Variants in PYHIN1 observed in about 807,000 individuals in gnomAD.
PYHIN1 encodes the protein pyrin and HIN domain family member 1, also known as pyrin and HIN domain-containing protein 1.
In PYHIN1, 32 loss-of-function variants were observed where a neutral mutation model predicts 43.7. That is an observed-to-expected ratio of 0.73 (90% CI 0.55 to 0.98). The LOEUF is 0.98. Ranked by LOEUF, PYHIN1 falls within the 50% of genes least tolerant of loss-of-function variation. The pLI is 0.00. For missense variants in PYHIN1, 588 were observed against 589.5 expected (o/e 1.00, Z 0.03); for synonymous variants, 205 against 203.1 (o/e 1.01, Z -0.08).
At chr1:158,961,677 G>A (rs982145087) in intron 7 of PYHIN1, among the ~76,000 whole-genome samples, 1 of 152,136 alleles carries the variant, frequency 6.6e-6, no homozygotes, top group African/African-American at 2.4e-5. Context: ...TTCTGCCACG[G>A]ACCTTTGCCA....
intron 7 of PYHIN1, among the ~76,000 whole-genome samples, chr1:158,951,970 T>C (rs1355894624): frequency 6.6e-6 from 1 of 152,206 alleles, no homozygotes; most frequent in African/African-American, 2.4e-5. Context: ...CATAGAATTA[T>C]AATCTGGGAT....
intron 7 of PYHIN1, 120 bp from the exon 8 acceptor site, chr1:158,973,527 A>ACACT (rs1651060712): frequency 1.1e-6 from 1 of 952,058 alleles, no homozygotes; most frequent in Non-Finnish European, 1.6e-6. Context: ...ACACACACAC[A>ACACT]CACACACACA....
Position 158,933,284 on chromosome 1 carries a change from A to G in PYHIN1, c.-21+1508A>G, listed in dbSNP as rs1416095580. Among the ~76,000 whole-genome samples the G allele has an allele frequency of 1.4e-4, 21 of 151,360 alleles. No individual in the cohort carries two copies. The highest frequency in any genetic ancestry group is 1.3e-3 in the Admixed American group (20 of 15,160). On this transcript the variant is annotated intron_variant, in intron 1 of 8. Transcript: ENST00000368140. The surrounding 1 kb of genome is among the most constrained non-coding windows in gnomAD (Gnocchi z 6.3). ...TACATATGTGTGTATATGAAGATAAATATATTATATAACATTATATTATCA... is the reference window on the plus strand; with the variant it reads ...TACATATGTGTGTATATGAAGATAAGTATATTATATAACATTATATTATCA...
At chr1:158,959,129 G>A (rs6688754) in intron 7 of PYHIN1, among the ~76,000 whole-genome samples, 14 of 151,522 alleles carry the variant, frequency 9.2e-5, no homozygotes, top group East Asian at 3.9e-4. Context: ...CCTTTGCAGC[G>A]TTCCTCACAC....
intron 7 of PYHIN1, among the ~76,000 whole-genome samples, chr1:158,971,537 GGATAAACA>G (rs1244846500): frequency 1.3e-5 from 2 of 151,846 alleles, no homozygotes; most frequent in African/African-American, 4.8e-5. Context: ...GCAAATCACT[GGATAAACA>G]GAATCCTGAC....
intron 8 of PYHIN1, among the ~76,000 whole-genome samples, chr1:158,974,464 T>C (rs1465283448): frequency 6.6e-6 from 1 of 152,080 alleles, no homozygotes; most frequent in Non-Finnish European, 1.5e-5. Flanking sequence ...AACTAATGAA[T>C]TTATATCTAA....
At chr1:158,932,456 G>A (rs1420454942) in intron 1 of PYHIN1, among the ~76,000 whole-genome samples, 1 of 152,092 alleles carries the variant, frequency 6.6e-6, no homozygotes, top group Non-Finnish European at 1.5e-5. Context: ...AACCTAAAAT[G>A]AAAGTAGAAG....
At chr1:158,937,326 G>A (rs1014207693) in intron 2 of PYHIN1, 151 bp downstream of exon 2, 1 of 798,498 alleles carries the variant, frequency 1.3e-6, no homozygotes, top group African/African-American at 1.7e-5. Flanking sequence ...ATGCCAACAA[G>A]TTGACAACTT....
chr1:158,943,230 C>T (rs1167840637), intron 5 of PYHIN1, among the ~76,000 whole-genome samples: 2 of 152,270 alleles, frequency 1.3e-5, no homozygotes, highest in Admixed American at 6.5e-5. Context: ...CTTAGAAATA[C>T]ACATCCAGAA....
intron 1 of PYHIN1, among the ~76,000 whole-genome samples, chr1:158,935,892 G>A (rs756507189): frequency 6.6e-6 from 1 of 152,082 alleles, no homozygotes; most frequent in Non-Finnish European, 1.5e-5. Context: ...ACAATTGCTT[G>A]TTCACAGACC....
At chr1:158,955,622 T>A (rs1482283015) in intron 7 of PYHIN1, among the ~76,000 whole-genome samples, 2 of 132,584 alleles carry the variant, frequency 1.5e-5, no homozygotes, top group Non-Finnish European at 3.2e-5. Flanking sequence ...GGGAAATTTA[T>A]AGCACTAAAT....
At chr1:158,950,139 C>T (rs1462245607) in intron 7 of PYHIN1, among the ~76,000 whole-genome samples, 5 of 151,924 alleles carry the variant, frequency 3.3e-5, no homozygotes, top group East Asian at 1.9e-4. Context: ...AGTGACAGGG[C>T]GAAAGAGAGG....
At chr1:158,969,468 C>A (rs1429344386) in intron 7 of PYHIN1, among the ~76,000 whole-genome samples, 1 of 151,986 alleles carries the variant, frequency 6.6e-6, no homozygotes, top group African/African-American at 2.4e-5. Context: ...ATCACTAATA[C>A]ATGTGTACCA....
chr1:158,952,929 T>C (rs1394360364), intron 7 of PYHIN1, among the ~76,000 whole-genome samples: 7 of 152,154 alleles, frequency 4.6e-5, no homozygotes, highest in Admixed American at 3.9e-4. Context: ...GGGTGAGGCA[T>C]TGCCTCACTT....
intron 4 of PYHIN1, chr1:158,939,620 C>A: frequency 3.4e-6 from 4 of 1,178,124 alleles, no homozygotes; most frequent in Non-Finnish European, 4.9e-6. Context: ...TTTTCACACA[C>A]CATATTTCTT....
the PYHIN1 span, among the ~76,000 whole-genome samples, chr1:158,989,930 G>T: frequency 0.041 from 6,257 of 151,850 alleles, 353 homozygotes; most frequent in East Asian, 0.26. Flanking sequence ...CATAAAACTT[G>T]TATTTGTTTT....
intron 7 of PYHIN1, among the ~76,000 whole-genome samples, chr1:158,957,051 T>C (rs1369653602): frequency 1.4e-5 from 2 of 147,934 alleles, no homozygotes; most frequent in African/African-American, 2.5e-5. Context: ...TTACAAGGGA[T>C]GTGAAGGACC....
At position 158,936,990 on chromosome 1, in the gene PYHIN1, C is replaced by T. The variant is rs764748779; in HGVS notation, c.80C>T (p.Ser27Phe). 1.9e-6 allele frequency: 3 copies of T among 1,613,248 alleles called. No individual in the cohort carries two copies. The highest frequency in any genetic ancestry group is 2.5e-6 in the Non-Finnish European group (3 of 1,179,340). The change falls in exon 2 of 9, where the codon TCC becomes TTC. Residue 27 changes from serine to phenylalanine, a missense_variant. Coordinates refer to ENST00000368140, the MANE Select transcript of PYHIN1 (RefSeq NM_152501.5). ...GATTATCATTTTAGAATTGTTAAGT[C>T]CTTACTGAGTAACGATTTAAAACTT... ...INDYHFRIVK[S>F]LLSNDLKLNP...
chr1:158,954,820 A>T (rs922335870), intron 7 of PYHIN1, among the ~76,000 whole-genome samples: 4 of 151,370 alleles, frequency 2.6e-5, no homozygotes, highest in Admixed American at 1.3e-4. Context: ...TTGGATAAAG[A>T]GTCAAGACCC....
Sources: gnomAD v4.1 joint callset for allele counts (sites outside exome capture counted in the v4.1 genomes callset) on GRCh38, gnomAD v4.1.1 for gene constraint, Gnocchi (gnomAD v3.1) non-coding constraint, MANE v1.5 for transcripts, NCBI Gene and HGNC (gene_info 2026-07-23, HGNC 2026-07-21) for gene names.